CERKL: variants seen among roughly 807,000 people sequenced by gnomAD.
CERKL encodes ceramide kinase-like protein.
CERKL carries 61 observed loss-of-function variants against 63.4 expected under a neutral mutation model. The observed-to-expected ratio is 0.96, with a 90% confidence interval of 0.78 to 1.19. The LOEUF (loss-of-function observed/expected upper bound fraction) is 1.19, where lower values mean the gene tolerates loss of function less well. Among genes scored for constraint, CERKL ranks in the 50% most tolerant of loss-of-function variants. The probability of loss-of-function intolerance (pLI) is 0.00; values close to 1 mark genes in which losing one functional copy is unlikely to be tolerated. For missense variants in CERKL, 675 were observed against 655.5 expected, an observed-to-expected ratio of 1.03 and a Z score of -0.33; for synonymous variants, 250 against 230.5, an observed-to-expected ratio of 1.08 and a Z score of -0.77.
intron 1 of CERKL, among the ~76,000 whole-genome samples, chr2:181,647,904 TA>T (rs978410617): frequency 6.6e-6 from 1 of 152,108 alleles, no homozygotes; most frequent in Non-Finnish European, 1.5e-5. Flanking sequence ...ATCTATCATT[TA>T]AAACACAGAA....
chr2:181,540,371 T>C (rs1229244043), intron 11 of CERKL, among the ~76,000 whole-genome samples: 1 of 152,240 alleles, frequency 6.6e-6, no homozygotes, highest in Non-Finnish European at 1.5e-5. Context: ...CTGCCTGTTA[T>C]GATCTAAATT....
chr2:181,603,444 C>A (rs1156547881), intron 2 of CERKL, among the ~76,000 whole-genome samples: 2 of 152,128 alleles, frequency 1.3e-5, no homozygotes, highest in Non-Finnish European at 2.9e-5. Flanking sequence ...CAAAGTCAGA[C>A]AAACAGTACA....
chr2:181,619,518 C>A (rs542946466), intron 1 of CERKL, among the ~76,000 whole-genome samples: 2 of 152,152 alleles, frequency 1.3e-5, no homozygotes, highest in Non-Finnish European at 2.9e-5. Flanking sequence ...ATCTCTGTAT[C>A]CCAGCACCTA....
chr2:181,639,200 C>A (rs559147413), intron 1 of CERKL, among the ~76,000 whole-genome samples: 1 of 152,202 alleles, frequency 6.6e-6, no homozygotes, highest in African/African-American at 2.4e-5. Flanking sequence ...CCTAGAGATA[C>A]ATGCTGAGAT....
At chr2:181,632,360 T>G (rs1687000989) in intron 1 of CERKL, among the ~76,000 whole-genome samples, 1 of 152,178 alleles carries the variant, frequency 6.6e-6, no homozygotes, top group African/African-American at 2.4e-5. Context: ...TGTGTCTTAT[T>G]AAAAACAAAA....
chr2:181,569,032 C>G (rs1280572976), intron 3 of CERKL, among the ~76,000 whole-genome samples: 1 of 152,124 alleles, frequency 6.6e-6, no homozygotes, highest in Non-Finnish European at 1.5e-5. Flanking sequence ...AGCCTTTTAT[C>G]TTGTCTCCCT....
intron 1 of CERKL, among the ~76,000 whole-genome samples, chr2:181,612,603 A>G (rs976717737): frequency 6.6e-6 from 1 of 152,150 alleles, no homozygotes; most frequent in Non-Finnish European, 1.5e-5. Context: ...GTGTCAAGAA[A>G]TTAAACATAT....
chr2:181,537,105 T>C lies in CERKL; in HGVS notation c.*1079A>G. ...AGTGTGTATACACAGGAATAAACTT[T>C]ATGACATTTATGTATTTTTAAAAAA... On this transcript the variant is annotated 3_prime_UTR_variant, in exon 13 of 13. Transcript: ENST00000410087. 1 of 452,652 alleles carries C rather than the reference T, an allele frequency of 2.2e-6. No individual in the cohort carries two copies. Among genetic ancestry groups the C allele is most frequent in the Non-Finnish European group, 4.4e-6 (1 of 226,352 alleles). 28.0% of individuals were successfully genotyped at this position (452,652 alleles called of 1,614,324 possible).
At chr2:181,615,176 A>AT (rs886426849) in intron 1 of CERKL, among the ~76,000 whole-genome samples, 2 of 152,066 alleles carry the variant, frequency 1.3e-5, no homozygotes, top group East Asian at 1.9e-4. Flanking sequence ...CTATTGTTGT[A>AT]TTTTTTTGGG....
At chr2:181,606,699 G>A (rs887547034) in intron 1 of CERKL, among the ~76,000 whole-genome samples, 2 of 152,028 alleles carry the variant, frequency 1.3e-5, no homozygotes, top group African/African-American at 4.8e-5. Flanking sequence ...TTCTTCTCCT[G>A]GTCCATTTCT....
At position 181,558,574 on chromosome 2, in the gene CERKL, A is replaced by G. The variant is rs786205545; in HGVS notation, c.812T>C (p.Ile271Thr). The G allele has an allele frequency of 6.2e-7, 1 of 1,613,576 alleles. No individual in the cohort carries two copies. Among genetic ancestry groups the G allele is most frequent in the Non-Finnish European group, 8.5e-7 (1 of 1,179,748 alleles). ...TGTAGCCACTCCCTTGCCTGCTGGTATTAAGCCAAGTGGAAGCTGTGCTCT... is the reference window on the plus strand; with the variant it reads ...TGTAGCCACTCCCTTGCCTGCTGGTGTTAAGCCAAGTGGAAGCTGTGCTCT... Reference protein sequence around the residue: ...PVRAQLPLGLIPAGSTNVLAH... With the variant: ...PVRAQLPLGLTPAGSTNVLAH... The change falls in exon 5 of 13, where the codon ATA (isoleucine) becomes ACA (threonine). Residue 271 changes from isoleucine (I) to threonine (T), a missense_variant. Physicochemically the swap from Ile to Thr is moderately conservative, Grantham distance 89 (BLOSUM62 -1). Transcript: ENST00000410087. The surrounding 1 kb of genome is among the most constrained non-coding windows in gnomAD (Gnocchi z 4.2).
At position 181,537,710 on chromosome 2, in the gene CERKL, GTTTT is replaced by G. The variant is rs74486071; in HGVS notation, c.*470_*473del. On this transcript the variant is annotated 3_prime_UTR_variant, in exon 13 of 13. Coordinates refer to ENST00000410087, the MANE Select transcript of CERKL (RefSeq NM_201548.5). ...ATTGATGTATTATGATGGTTGCAAA[GTTTT>G]TTTGTGTGTCCAATAAACACATTGT... is the stretch of plus-strand genomic sequence containing the variant. 3.0e-5 allele frequency: 13 copies of G among 426,626 alleles called. No individual in the cohort carries two copies. Among genetic ancestry groups the G allele is most frequent in the Admixed American group, 1.3e-4 (5 of 37,992 alleles). 26.4% of individuals were successfully genotyped at this position (426,626 alleles called of 1,614,324 possible).
At chr2:181,591,271 T>A (rs1054482515) in intron 2 of CERKL, among the ~76,000 whole-genome samples, 1 of 152,160 alleles carries the variant, frequency 6.6e-6, no homozygotes, top group Non-Finnish European at 1.5e-5. Context: ...TGCAATCGGT[T>A]ACCTATAAGG....
chr2:181,569,192 G>A (rs1042515155), intron 3 of CERKL, among the ~76,000 whole-genome samples: 1 of 152,222 alleles, frequency 6.6e-6, no homozygotes, highest in East Asian at 1.9e-4. Context: ...CTGGGAACAG[G>A]ACTGGCCATA....
Position 181,565,826 on chromosome 2 carries a change from C to T in CERKL, c.677+232G>A, listed in dbSNP as rs115652025. Reference sequence around the variant, plus strand: ...TATAGAGTAGTACACTGTCATTTCCCAGTATTTTAATAATTAGATTCCTCT... The same window carrying T: ...TATAGAGTAGTACACTGTCATTTCCTAGTATTTTAATAATTAGATTCCTCT... On this transcript the variant is annotated intron_variant, in intron 4 of 12. Coordinates refer to ENST00000410087, the MANE Select transcript of CERKL (RefSeq NM_201548.5). Among the ~76,000 whole-genome samples, 1,460 of 152,134 alleles carry T rather than the reference C, an allele frequency of 9.6e-3. 25 individuals are homozygous for T. Among genetic ancestry groups the T allele is most frequent in the African/African-American group, 0.033 (1,374 of 41,518 alleles).
chr2:181,552,677 G>A (rs1258272613), intron 5 of CERKL, among the ~76,000 whole-genome samples: 1 of 152,098 alleles, frequency 6.6e-6, no homozygotes, highest in African/African-American at 2.4e-5. Context: ...GAGATTTTAA[G>A]TGTTCTCAAT....
intron 2 of CERKL, among the ~76,000 whole-genome samples, chr2:181,577,097 C>T (rs559200971): frequency 9.2e-5 from 14 of 152,220 alleles, no homozygotes; most frequent in African/African-American, 3.4e-4. Flanking sequence ...ATAACAGGTT[C>T]CCAGGTGCTG....
chr2:181,609,909 T>C (rs1359417611), intron 1 of CERKL, among the ~76,000 whole-genome samples: 1 of 152,156 alleles, frequency 6.6e-6, no homozygotes, highest in Non-Finnish European at 1.5e-5. Flanking sequence ...CTGACTAATC[T>C]TTTGTAAAGA....
At chr2:181,598,799 G>A (rs951663734) in intron 2 of CERKL, among the ~76,000 whole-genome samples, 2 of 151,800 alleles carry the variant, frequency 1.3e-5, no homozygotes, top group Non-Finnish European at 2.9e-5. Context: ...AAAGAGCCTT[G>A]GCCCCCTGAA....
Sources: gnomAD v4.1 joint callset for allele counts (sites outside exome capture counted in the v4.1 genomes callset) on GRCh38, gnomAD v4.1.1 for gene constraint, Gnocchi (gnomAD v3.1) non-coding constraint, MANE v1.5 for transcripts, NCBI Gene and HGNC (gene_info 2026-07-23, HGNC 2026-07-21) for gene names.